Variants in TRAPPC11 observed in about 807,000 individuals in gnomAD.
The protein encoded by TRAPPC11 is trafficking protein particle complex subunit 11, also known as foie gras homolog.
In TRAPPC11, 104 loss-of-function variants were observed where a neutral mutation model predicts 151.2. That is an observed-to-expected ratio of 0.69 (90% CI 0.59 to 0.81). The LOEUF (loss-of-function observed/expected upper bound fraction) is 0.81. Among genes scored for constraint, TRAPPC11 ranks in the 30% least tolerant of loss-of-function variants. The pLI, the probability that TRAPPC11 is intolerant of heterozygous loss-of-function variation, is 0.00. For synonymous variants in TRAPPC11, 456 were observed against 472.3 expected (o/e 0.97, Z 0.45); for missense variants, 1,230 against 1,349.6 (o/e 0.91, Z 1.39).
In TRAPPC11 at chr4:183,693,974, G is replaced by C; in HGVS notation, c.2444G>C (p.Cys815Ser). The C allele has an allele frequency of 3.1e-6, 5 of 1,614,110 alleles. No individual in the cohort carries two copies. Among genetic ancestry groups the C allele is most frequent in the Non-Finnish European group, 3.4e-6 (4 of 1,179,962 alleles). The change falls in exon 22 of 30, where the codon TGT becomes TCT. Residue 815 changes from cysteine to serine, a missense_variant. Cys to Ser is a moderately radical substitution (Grantham distance 112, BLOSUM62 -1). Coordinates refer to ENST00000334690, the MANE Select transcript of TRAPPC11 (RefSeq NM_021942.6). ...GTGACTCTTCATGGAACAGAACTGT[G>C]TGATGAATCCTACCCGGCTTTACTC... ...THVTLHGTEL[C>S]DESYPALLTD...
chr4:183,710,479 G>A (rs1737288391), intron 29 of TRAPPC11, among the ~76,000 whole-genome samples: 1 of 151,392 alleles, frequency 6.6e-6, no homozygotes, highest in African/African-American at 2.4e-5. Context: ...GTAGATACGG[G>A]GTTTCACCAT....
intron 4 of TRAPPC11, among the ~76,000 whole-genome samples, chr4:183,667,383 G>T (rs939066787): frequency 2.0e-5 from 3 of 152,092 alleles, no homozygotes; most frequent in Non-Finnish European, 4.4e-5. Context: ...ATATAGGAAG[G>T]CATGTTCAAT....
intron 5 of TRAPPC11, among the ~76,000 whole-genome samples, chr4:183,668,461 C>G (rs1486122204): frequency 6.6e-6 from 1 of 152,174 alleles, no homozygotes; most frequent in African/African-American, 2.4e-5. Context: ...AACATTACCT[C>G]ATTAACATGC....
intron 25 of TRAPPC11, among the ~76,000 whole-genome samples, chr4:183,698,605 AATAT>A (rs1210409245): frequency 1.3e-5 from 2 of 152,192 alleles, no homozygotes; most frequent in African/African-American, 4.8e-5. Flanking sequence ...TGAAATAATT[AATAT>A]ATATGAGAAC....
At chr4:183,677,962 C>T (rs934597466) in intron 8 of TRAPPC11, among the ~76,000 whole-genome samples, 2 of 139,988 alleles carry the variant, frequency 1.4e-5, no homozygotes, top group South Asian at 2.3e-4. Context: ...TTTTTTGAGA[C>T]GGAGTTTTGC....
At chr4:183,708,650 A>G in intron 29 of TRAPPC11, 76 bp downstream of exon 29, 1 of 1,372,594 alleles carries the variant, frequency 7.3e-7, no homozygotes, top group East Asian at 2.3e-5. Flanking sequence ...TGTAAACTTC[A>G]CTGAACAGTA....
intron 1 of TRAPPC11, 62 bp from the exon 2 acceptor site, chr4:183,663,785 C>G: frequency 3.8e-6 from 2 of 529,782 alleles, no homozygotes; most frequent in Non-Finnish European, 6.0e-6. Flanking sequence ...GTTGCCCAGG[C>G]TGGAGAAATG....
chr4:183,690,236 AGT>A (rs1466655985), intron 18 of TRAPPC11, among the ~76,000 whole-genome samples: 4 of 151,696 alleles, frequency 2.6e-5, no homozygotes, highest in Non-Finnish European at 5.9e-5. Context: ...GAAAAAAAAA[AGT>A]AGAGTAGTTT....
chr4:183,703,651 G>A lies in TRAPPC11; in HGVS notation c.2964-1328G>A, dbSNP rs200733921. On this transcript the variant is annotated intron_variant, in intron 26 of 29. Coordinates refer to ENST00000334690, the MANE Select transcript of TRAPPC11 (RefSeq NM_021942.6). The stretch of plus-strand genomic sequence containing the variant: ...TTTCATAGACCTAGGTGGGAGGATC[G>A]CTGGAGCTCAGGAGGTATATTCATT... Among the ~76,000 whole-genome samples the A allele has an allele frequency of 6.6e-5, 10 of 152,112 alleles. No homozygotes were observed. In the East Asian group the frequency reaches 1.2e-3, roughly 18 times the overall value.
chr4:183,664,151 G>A, intron 2 of TRAPPC11, 80 bp downstream of exon 2: 1 of 1,318,934 alleles, frequency 7.6e-7, no homozygotes, highest in Non-Finnish European at 1.1e-6. Flanking sequence ...TCTGTTGTGT[G>A]TGTGGAGTTT....
intron 26 of TRAPPC11, 88 bp from the exon 27 acceptor site, chr4:183,704,891 A>T (rs1263769884): frequency 7.1e-6 from 5 of 709,080 alleles, no homozygotes; most frequent in Admixed American, 2.0e-5. Context: ...TAGCTGGTGA[A>T]TACATGTTTC....
chr4:183,710,511 C>T (rs1182310606), intron 29 of TRAPPC11, among the ~76,000 whole-genome samples: 1 of 151,492 alleles, frequency 6.6e-6, no homozygotes, highest in Non-Finnish European at 1.5e-5. Context: ...TGGTCTCGAT[C>T]TCCTGACCTC....
In TRAPPC11 at chr4:183,693,853, A is replaced by G. The variant is rs1709595657; in HGVS notation, c.2387-64A>G. Reference sequence around the variant, plus strand: ...GGGTATGGCATAGTGCTCTTCACACAGTATTGATTATTGGGATAATGTTTG... The same window carrying G: ...GGGTATGGCATAGTGCTCTTCACACGGTATTGATTATTGGGATAATGTTTG... On this transcript the variant is annotated intron_variant, in intron 21 of 29. Coordinates refer to ENST00000334690, the MANE Select transcript of TRAPPC11 (RefSeq NM_021942.6). The G allele has an allele frequency of 1.4e-5, 23 of 1,598,704 alleles. No homozygotes were observed. The East Asian group carries it at 5.2e-4, about 36-fold the overall frequency.
chr4:183,695,758 T>C (rs1323329084), intron 23 of TRAPPC11, among the ~76,000 whole-genome samples: 1 of 152,120 alleles, frequency 6.6e-6, no homozygotes, highest in Admixed American at 6.6e-5. Flanking sequence ...GGCTATTTAC[T>C]AGTCATTGGG....
intron 24 of TRAPPC11, 28 bp downstream of exon 24, chr4:183,697,596 T>A (rs770905528): frequency 6.2e-7 from 1 of 1,602,464 alleles, no homozygotes; most frequent in Non-Finnish European, 8.5e-7. Context: ...ATACTAGAAA[T>A]CATTTAGGTT....
chr4:183,684,139 TA>T lies in TRAPPC11; in HGVS notation c.1288-4del. The T allele has an allele frequency of 2.5e-6, 4 of 1,612,534 alleles. No homozygotes were observed. The highest frequency in any genetic ancestry group is 2.5e-6 in the Non-Finnish European group (3 of 1,178,704). The stretch of plus-strand genomic sequence containing the variant: ...GAAATGTTTCACACTCTACTTTTTC[TA>T]ATAGGAGATAATCATAACTCTTCTG... On this transcript the variant is annotated splice_region_variant and splice_polypyrimidine_tract_variant and intron_variant, in intron 12 of 29. Transcript: ENST00000334690.
In TRAPPC11 at chr4:183,693,611, A is replaced by G; in HGVS notation, c.2260A>G (p.Ile754Val). Residue 754 changes from isoleucine (I) to valine (V), a missense_variant, in exon 21 of 30, where the codon ATT becomes GTT. Physicochemically the swap from Ile to Val is conservative, Grantham distance 29 (BLOSUM62 3). Transcript: ENST00000334690. Reference protein sequence around the residue: ...STMIISRVPNISVHLLHEPPA... With the variant: ...STMIISRVPNVSVHLLHEPPA... ...AAGGATCATATCCAGAGTCCCAAAC[A>G]TTTCTGTACATCTGCTACATGAACC... is the stretch of plus-strand genomic sequence containing the variant. 6.2e-7 allele frequency: 1 copy of G among 1,612,928 alleles called. No homozygotes were observed. Among genetic ancestry groups the G allele is most frequent in the Admixed American group, 1.7e-5 (1 of 59,724 alleles).
At chr4:183,699,233 T>G (rs1208248388) in intron 25 of TRAPPC11, among the ~76,000 whole-genome samples, 1 of 152,180 alleles carries the variant, frequency 6.6e-6, no homozygotes, top group African/African-American at 2.4e-5. Flanking sequence ...CTTTGGAACT[T>G]TTGTGTAAAA....
Position 183,692,973 on chromosome 4 carries a change from A to C in TRAPPC11, c.2063A>C (p.Asp688Ala). The change falls in exon 20 of 30, where the codon GAT becomes GCT. Residue 688 changes from aspartate to alanine, a missense_variant. Coordinates refer to ENST00000334690, the MANE Select transcript of TRAPPC11 (RefSeq NM_021942.6). ...VGKKIEITSV[D>A]LALGNETGRC... ...TTTTCTTTTTAGATTACTTCAGTGG[A>C]TCTTGCTCTGGGCAATGAGACGGGA... is the stretch of plus-strand genomic sequence containing the variant. 6.2e-7 allele frequency: 1 copy of C among 1,610,178 alleles called. No homozygotes were observed. Among genetic ancestry groups the C allele is most frequent in the South Asian group, 1.1e-5 (1 of 90,456 alleles).
Sources: gnomAD v4.1 joint callset for allele counts (sites outside exome capture counted in the v4.1 genomes callset) on GRCh38, gnomAD v4.1.1 for gene constraint, MANE v1.5 for transcripts, NCBI Gene and HGNC (gene_info 2026-07-23, HGNC 2026-07-21) for gene names.